CD82: variants seen among roughly 807,000 people sequenced by gnomAD.
The protein encoded by CD82 is CD82 antigen.
Under a neutral mutation model 37.4 loss-of-function variants are expected in CD82, and 36 were observed. That is an observed-to-expected ratio of 0.96 (90% CI 0.74 to 1.27). The LOEUF (loss-of-function observed/expected upper bound fraction) is 1.27. Ranked by LOEUF, CD82 falls within the 50% of genes most tolerant of loss-of-function variation. The probability of loss-of-function intolerance (pLI) is 0.00; values close to 1 mark genes in which losing one functional copy is unlikely to be tolerated. For synonymous variants in CD82, 158 were observed against 137.4 expected (o/e 1.15, Z -1.05); for missense variants, 340 against 347.0 (o/e 0.98, Z 0.16).
At chr11:44,610,377 C>T (rs554960053) in intron 6 of CD82, among the ~76,000 whole-genome samples, 16 of 152,294 alleles carry the variant, frequency 1.1e-4, no homozygotes, top group Admixed American at 6.5e-4. Context: ...CTCTCAACTC[C>T]GCAACATGCT....
At chr11:44,565,126 TG>T (rs1852708837), upstream of CD82, among the ~76,000 whole-genome samples, 1 of 151,912 alleles carries the variant, frequency 6.6e-6, no homozygotes, top group African/African-American at 2.4e-5. Flanking sequence ...AATGCCAGCG[TG>T]GGGGCCCCAG....
chr11:44,618,278 C>T lies in CD82; in HGVS notation c.555C>T (p.Ser185=). Residue 185 remains serine, a synonymous_variant, in exon 8 of 10, where the codon AGC becomes AGT. Coordinates refer to ENST00000227155, the MANE Select transcript of CD82 (RefSeq NM_002231.4). ...AAGTCAAGGGGGAAGAGGACAACAG[C>T]CTTTCTGTGAGGAAGGGCTTCTGCG... ...SCEVKGEEDN[S]LSVRKGFCEA... is the part of the protein sequence containing the mutation. 6.2e-7 allele frequency: 1 copy of T among 1,614,058 alleles called. No individual in the cohort carries two copies. Among genetic ancestry groups the T allele is most frequent in the Non-Finnish European group, 8.5e-7 (1 of 1,180,036 alleles).
At chr11:44,573,072 A>T (rs1465296272) in intron 1 of CD82, 1 of 152,246 alleles carries the variant, frequency 6.6e-6, no homozygotes, top group Non-Finnish European at 1.5e-5. Context: ...AAGACGAACC[A>T]ATCATAAGCC....
intron 4 of CD82, chr11:44,604,756 T>C (rs1853363118): frequency 7.3e-6 from 3 of 411,116 alleles, no homozygotes; most frequent in Non-Finnish European, 1.4e-5. Flanking sequence ...GAGCAGACAA[T>C]GAGCAAGAAG....
Position 44,587,967 on chromosome 11 carries a change from C to T in CD82, c.-21+411C>T, listed in dbSNP as rs1028283782. 12 of 228,740 alleles carry T rather than the reference C, an allele frequency of 5.2e-5. No individual in the cohort carries two copies. The South Asian group carries it at 6.5e-4, about 12-fold the overall frequency. 14.2% of individuals were successfully genotyped at this position (228,740 alleles called of 1,614,324 possible). Reference sequence around the variant, plus strand: ...GTCCATCCATCCATCCACCTACCTACCCCTCCATCCCTGCATCCACCCAGT... The same window carrying T: ...GTCCATCCATCCATCCACCTACCTATCCCTCCATCCCTGCATCCACCCAGT... On this transcript the variant is annotated intron_variant, in intron 2 of 9. Coordinates refer to ENST00000227155, the MANE Select transcript of CD82 (RefSeq NM_002231.4).
At chr11:44,602,691 C>G (rs1188131208) in intron 4 of CD82, among the ~76,000 whole-genome samples, 1 of 151,864 alleles carries the variant, frequency 6.6e-6, no homozygotes, top group Non-Finnish European at 1.5e-5. Context: ...ATTTTTTTTT[C>G]CATGCCCTGT....
intron 3 of CD82, among the ~76,000 whole-genome samples, chr11:44,596,069 T>C (rs551856710): frequency 6.6e-6 from 1 of 152,328 alleles, no homozygotes; most frequent in African/African-American, 2.4e-5. Flanking sequence ...TTGCTTTTTT[T>C]CCACCCTGGC....
chr11:44,571,296 G>T (rs1264386234), intron 1 of CD82, among the ~76,000 whole-genome samples: 6 of 152,250 alleles, frequency 3.9e-5, no homozygotes. Flanking sequence ...CTTGGGCCTG[G>T]GGGAGTGGGG....
At chr11:44,618,848 T>C in intron 9 of CD82, 125 bp downstream of exon 9, 1 of 880,092 alleles carries the variant, frequency 1.1e-6, no homozygotes, top group East Asian at 2.6e-5. Context: ...AGAGGCCCTC[T>C]GGTCTGAGCA....
In CD82 at chr11:44,575,064, A is replaced by G. The variant is rs144975831; in HGVS notation, c.-103+9328A>G. Among the ~76,000 whole-genome samples the G allele has an allele frequency of 4.1e-4, 62 of 152,332 alleles. 1 individual carries two copies. The highest frequency in any genetic ancestry group is 1.4e-3 in the African/African-American group (59 of 41,582). ...TTAAACTCAAGGTCAGAGGACCAGAATCTCCCACCATAACCAGTCTCCCAG... is the reference window on the plus strand; with the variant it reads ...TTAAACTCAAGGTCAGAGGACCAGAGTCTCCCACCATAACCAGTCTCCCAG... On this transcript the variant is annotated intron_variant, in intron 1 of 9. Transcript: ENST00000227155.
intron 6 of CD82, among the ~76,000 whole-genome samples, chr11:44,611,528 G>A (rs1404820301): frequency 6.6e-6 from 1 of 152,238 alleles, no homozygotes; most frequent in Non-Finnish European, 1.5e-5. Context: ...CTGGCATCGA[G>A]GGAGTGGGGC....
rs528830825 is a variant in CD82 at position 44,610,769 on chromosome 11, G to T, written c.337-4503G>T. ...GAGGGAGACAGGGAAGACAGGGCTGGCTTCCTCGGCATTCAACCTATGCAG... is the reference window on the plus strand; with the variant it reads ...GAGGGAGACAGGGAAGACAGGGCTGTCTTCCTCGGCATTCAACCTATGCAG... On this transcript the variant is annotated intron_variant, in intron 6 of 9. Transcript: ENST00000227155. Among the ~76,000 whole-genome samples the T allele has an allele frequency of 3.8e-4, 58 of 152,318 alleles. 1 individual carries two copies. The highest frequency in any genetic ancestry group is 6.0e-4 in the Non-Finnish European group (41 of 68,020).
chr11:44,618,309 C>T lies in CD82; in HGVS notation c.586C>T (p.Pro196Ser), dbSNP rs1430637323. 3.1e-6 allele frequency: 5 copies of T among 1,613,738 alleles called. No homozygotes were observed. The highest frequency in any genetic ancestry group is 2.7e-5 in the African/African-American group (2 of 74,912). Residue 196 changes from proline (P) to serine (S), a missense_variant, in exon 8 of 10, where the codon CCC becomes TCC. Pro to Ser is a moderately conservative substitution (Grantham distance 74). Transcript: ENST00000227155. ...TGTGAGGAAGGGCTTCTGCGAGGCC[C>T]CCGGCAACAGGACCCAGAGTGGCAA... is the stretch of plus-strand genomic sequence containing the variant. Reference protein sequence around the residue: ...LSVRKGFCEAPGNRTQSGNHP... With the variant: ...LSVRKGFCEASGNRTQSGNHP...
chr11:44,581,496 G>A (rs1327070452), intron 1 of CD82, among the ~76,000 whole-genome samples: 1 of 152,236 alleles, frequency 6.6e-6, no homozygotes, highest in Non-Finnish European at 1.5e-5. Context: ...GTTCTAGAGA[G>A]CCCCTTTTGT....
chr11:44,599,892 C>A (rs1050476074), intron 3 of CD82, among the ~76,000 whole-genome samples: 4 of 152,188 alleles, frequency 2.6e-5, no homozygotes, highest in Non-Finnish European at 5.9e-5. Flanking sequence ...TGGCAGGAGG[C>A]TGCACCAGGA....
intron 2 of CD82, among the ~76,000 whole-genome samples, chr11:44,594,359 T>C (rs1033720752): frequency 6.6e-6 from 1 of 151,564 alleles, no homozygotes; most frequent in South Asian, 2.1e-4. Flanking sequence ...AGGTGAGGGG[T>C]GAGGGTCTCC....
chr11:44,593,020 G>A (rs1035343087), intron 2 of CD82, among the ~76,000 whole-genome samples: 4 of 152,176 alleles, frequency 2.6e-5, no homozygotes, highest in African/African-American at 9.7e-5. Context: ...AAAACTTCCT[G>A]TAACAAAGCT....
intron 4 of CD82, among the ~76,000 whole-genome samples, chr11:44,601,449 C>T (rs1853308280): frequency 6.6e-6 from 1 of 152,182 alleles, no homozygotes; most frequent in African/African-American, 2.4e-5. Context: ...CCACATTCTC[C>T]TGGCCTGTGA....
intron 1 of CD82, among the ~76,000 whole-genome samples, chr11:44,583,281 A>G (rs1853007507): frequency 6.6e-6 from 1 of 152,236 alleles, no homozygotes; most frequent in African/African-American, 2.4e-5. Context: ...CCAGGCAGGA[A>G]TGCTGGAGGG....
Sources: gnomAD v4.1 joint callset for allele counts (sites outside exome capture counted in the v4.1 genomes callset) on GRCh38, gnomAD v4.1.1 for gene constraint, MANE v1.5 for transcripts, NCBI Gene and HGNC (gene_info 2026-07-23, HGNC 2026-07-21) for gene names.